Variants in TACR1 observed in about 807,000 individuals in gnomAD.
The protein encoded by TACR1 is substance-P receptor.
A neutral mutation model predicts 35.8 loss-of-function variants in TACR1; 25 were observed. That is an observed-to-expected ratio of 0.70 (90% CI 0.51 to 0.98). The LOEUF (loss-of-function observed/expected upper bound fraction) is 0.98. Ranked by LOEUF, TACR1 falls within the 50% of genes least tolerant of loss-of-function variation. The probability of loss-of-function intolerance (pLI) is 0.00; values close to 1 mark genes in which losing one functional copy is unlikely to be tolerated. For synonymous variants in TACR1, 195 were observed against 206.7 expected (o/e 0.94, Z 0.48); for missense variants, 478 against 522.9 (o/e 0.91, Z 0.84).
Position 75,144,287 on chromosome 2 carries a change from C to T in TACR1, c.390-23519G>A, listed in dbSNP as rs548594678. ...GGCTTCTGAGATAAAGTGGACTTCACGATAGACTGGAAGGAATCCTTCAGC... is the reference window on the plus strand; with the variant it reads ...GGCTTCTGAGATAAAGTGGACTTCATGATAGACTGGAAGGAATCCTTCAGC... On this transcript the variant is annotated intron_variant, in intron 1 of 4. Transcript: ENST00000305249. Among the ~76,000 whole-genome samples, 8 of 152,288 alleles carry T rather than the reference C, an allele frequency of 5.3e-5. No individual in the cohort carries two copies. The East Asian group carries it at 1.5e-3, about 29-fold the overall frequency.
At chr2:75,069,051 C>T (rs572173141) in intron 2 of TACR1, among the ~76,000 whole-genome samples, 43 of 152,230 alleles carry the variant, frequency 2.8e-4, no homozygotes, top group Non-Finnish European at 4.7e-4. Flanking sequence ...CTTTCCTGTG[C>T]TGTTCTCGTG....
chr2:75,112,149 T>C (rs1009533042), intron 2 of TACR1, among the ~76,000 whole-genome samples: 4 of 152,030 alleles, frequency 2.6e-5, no homozygotes, highest in Non-Finnish European at 4.4e-5. Flanking sequence ...TAGCACATAC[T>C]AAACACAAAA....
chr2:75,059,949 T>G (rs756307041), intron 2 of TACR1, among the ~76,000 whole-genome samples: 4 of 152,268 alleles, frequency 2.6e-5, no homozygotes, highest in Non-Finnish European at 4.4e-5. Context: ...AAAGCAATAC[T>G]CATGTATTTA....
chr2:75,165,523 T>C (rs955126762), intron 1 of TACR1, among the ~76,000 whole-genome samples: 1 of 151,994 alleles, frequency 6.6e-6, no homozygotes, highest in Non-Finnish European at 1.5e-5. Flanking sequence ...TTAGGCAGGA[T>C]GGTCTCAATC....
At chr2:75,123,500 C>G (rs907764743) in intron 1 of TACR1, among the ~76,000 whole-genome samples, 1 of 152,134 alleles carries the variant, frequency 6.6e-6, no homozygotes, top group Admixed American at 6.5e-5. Context: ...CATATTTTAT[C>G]CTTATTGCAA....
chr2:75,050,530 G>T (rs942332711), intron 4 of TACR1, among the ~76,000 whole-genome samples: 1 of 152,190 alleles, frequency 6.6e-6, no homozygotes, highest in South Asian at 2.1e-4. Flanking sequence ...GTCCCTGCCT[G>T]CTTTTGGGAG....
intron 1 of TACR1, among the ~76,000 whole-genome samples, chr2:75,153,426 C>T (rs1674719314): frequency 6.6e-6 from 1 of 152,188 alleles, no homozygotes; most frequent in Non-Finnish European, 1.5e-5. Context: ...GAACCAGCTA[C>T]TCACTTGCTG....
chr2:75,071,524 T>C (rs549048691), intron 2 of TACR1, among the ~76,000 whole-genome samples: 2 of 152,350 alleles, frequency 1.3e-5, no homozygotes, highest in South Asian at 4.1e-4. Flanking sequence ...CTTCATTTCG[T>C]GCACATTAGC....
intron 1 of TACR1, among the ~76,000 whole-genome samples, chr2:75,150,120 G>C (rs1192546172): frequency 1.3e-5 from 2 of 152,144 alleles, no homozygotes; most frequent in Non-Finnish European, 2.9e-5. Flanking sequence ...TAAGCTTTTT[G>C]ATGTGCTGGT....
At chr2:75,182,736 A>G (rs1675588591) in intron 1 of TACR1, among the ~76,000 whole-genome samples, 1 of 152,196 alleles carries the variant, frequency 6.6e-6, no homozygotes, top group Admixed American at 6.5e-5. Flanking sequence ...GGTATTCTAT[A>G]TATAGCCCAA....
At chr2:75,093,131 T>C (rs779766111) in intron 2 of TACR1, among the ~76,000 whole-genome samples, 1 of 152,088 alleles carries the variant, frequency 6.6e-6, no homozygotes, top group Non-Finnish European at 1.5e-5. Context: ...GGAGAGAAGG[T>C]GACAATATGT....
intron 1 of TACR1, among the ~76,000 whole-genome samples, chr2:75,174,481 G>A (rs1675366238): frequency 6.6e-6 from 1 of 152,146 alleles, no homozygotes; most frequent in Admixed American, 6.5e-5. Flanking sequence ...GGGCTGGAGT[G>A]GGACAGTGTG....
At chr2:75,059,307 C>T (rs996131686) in intron 2 of TACR1, among the ~76,000 whole-genome samples, 5 of 152,228 alleles carry the variant, frequency 3.3e-5, no homozygotes, top group Middle Eastern at 3.2e-3. Context: ...GATGCAGACT[C>T]TCAGGCTCCA....
At chr2:75,082,257 T>A (rs1673103070) in intron 2 of TACR1, among the ~76,000 whole-genome samples, 1 of 152,202 alleles carries the variant, frequency 6.6e-6, no homozygotes, top group African/African-American at 2.4e-5. Context: ...AACTCATCCT[T>A]TTTTATGGCT....
chr2:75,066,070 A>G (rs1672757501), intron 2 of TACR1, among the ~76,000 whole-genome samples: 1 of 152,204 alleles, frequency 6.6e-6, no homozygotes. Flanking sequence ...GAGGAAATTT[A>G]TTATCAAGTG....
intron 2 of TACR1, among the ~76,000 whole-genome samples, chr2:75,100,094 C>T (rs1673506562): frequency 6.6e-6 from 1 of 152,142 alleles, no homozygotes; most frequent in African/African-American, 2.4e-5. Flanking sequence ...CACCCCCACA[C>T]ACATCACACA....
At chr2:75,112,430 T>G (rs1673770118) in intron 2 of TACR1, among the ~76,000 whole-genome samples, 1 of 152,106 alleles carries the variant, frequency 6.6e-6, no homozygotes, top group Non-Finnish European at 1.5e-5. Context: ...CTGATATCCT[T>G]AGGAATTATA....
intron 1 of TACR1, among the ~76,000 whole-genome samples, chr2:75,149,878 G>T (rs1183123914): frequency 4.6e-5 from 7 of 152,156 alleles, no homozygotes; most frequent in African/African-American, 1.7e-4. Context: ...CTGTGGGTGT[G>T]TCATAAATAG....
At chr2:75,198,335 AAGAG>A (rs921902080) in intron 1 of TACR1, among the ~76,000 whole-genome samples, 3 of 152,192 alleles carry the variant, frequency 2.0e-5, no homozygotes, top group Non-Finnish European at 4.4e-5. Context: ...TGTTGAAAGG[AAGAG>A]AGAGAGTGAT....
Sources: allele counts gnomAD v4.1 joint callset (sites outside exome capture counted in the v4.1 genomes callset), GRCh38; gene constraint gnomAD v4.1.1; transcripts MANE v1.5; gene names NCBI Gene and HGNC (gene_info 2026-07-23, HGNC 2026-07-21).